The following SNX24 variants were observed in gnomAD, a reference collection of about 807,000 sequenced individuals.
The protein encoded by SNX24 is sorting nexin-24.
A neutral mutation model predicts 28.7 loss-of-function variants in SNX24; 22 were observed. The ratio of observed to expected loss-of-function variants is 0.77; its 90% CI spans 0.55 to 1.10. The LOEUF is 1.10. Ranked by LOEUF, SNX24 falls within the 50% of genes least tolerant of loss-of-function variation. The pLI is 0.00. For missense variants in SNX24, 221 were observed against 201.1 expected, an observed-to-expected ratio of 1.10 and a Z score of -0.60; for synonymous variants, 69 against 71.5, an observed-to-expected ratio of 0.96 and a Z score of 0.18.
At position 123,028,658 on chromosome 5, in the gene SNX24, C is replaced by T. The variant is rs539163000; in HGVS notation, n.384-580C>T. 9 of 746,896 alleles carry T rather than the reference C, an allele frequency of 1.2e-5. No individual in the cohort carries two copies. The East Asian group carries it at 2.3e-4, about 19-fold the overall frequency. 46.3% of individuals were successfully genotyped at this position (746,896 alleles called of 1,614,324 possible). A position where few individuals can be genotyped will look rare whatever the true frequency, so the allele number is the denominator to read the frequency against. On this transcript the variant is annotated intron_variant and non_coding_transcript_variant, in intron 5 of 5. Coordinates refer to the SNX24 transcript ENST00000502387. ...AAACTCCATCCTTCTCAAAGAGGTA[C>T]AGTCGTCTTTACAACTGTGTTCCTT...
Position 122,903,231 on chromosome 5 carries a change from C to G in SNX24, c.61-33503C>G, listed in dbSNP as rs141749466. On this transcript the variant is annotated intron_variant, in intron 1 of 6. Transcript: ENST00000261369. ...CAGAGGATCCTCCCACCTCAGCCTCCCTAGTCACTGGGACTACAGGCATGT... is the reference window on the plus strand; with the variant it reads ...CAGAGGATCCTCCCACCTCAGCCTCGCTAGTCACTGGGACTACAGGCATGT... Among the ~76,000 whole-genome samples the G allele has an allele frequency of 9.2e-3, 1,394 of 152,248 alleles. 16 individuals carry two copies. The highest frequency in any genetic ancestry group is 0.032 in the African/African-American group (1,327 of 41,528).
intron 3 of SNX24, among the ~76,000 whole-genome samples, chr5:122,974,996 C>T (rs1256570212): frequency 6.6e-6 from 1 of 152,186 alleles, no homozygotes; most frequent in African/African-American, 2.4e-5. Flanking sequence ...CCATTAATTA[C>T]CTGACCTCCG....
intron 1 of SNX24, among the ~76,000 whole-genome samples, chr5:122,904,703 C>T (rs1279888763): frequency 6.6e-6 from 1 of 152,094 alleles, no homozygotes; most frequent in South Asian, 2.1e-4. Context: ...ATGTCTTATT[C>T]TATTCAGTAT....
In SNX24 at chr5:122,890,038, A is replaced by G. The variant is rs549672160; in HGVS notation, c.60+44345A>G. Among the ~76,000 whole-genome samples, 21 of 151,236 alleles carry G rather than the reference A, an allele frequency of 1.4e-4. No homozygotes were observed. In the East Asian group the frequency reaches 4.1e-3, roughly 30 times the overall value. On this transcript the variant is annotated intron_variant, in intron 1 of 6. Transcript: ENST00000261369. ...CTTCTTTGTCCTCTATGGCATTGTC[A>G]TTTTTGTAAAGAGACAGGCCAGTTG...
At position 122,852,110 on chromosome 5, in the gene SNX24, C is replaced by CTATCTATATCTA. The variant is rs375519224; in HGVS notation, c.60+6427_60+6438dup. ...TATAAATATATACACACACACATAT[C>CTATCTATATCTA]TATCTATATCTATATCTATATATAT... On this transcript the variant is annotated intron_variant, in intron 1 of 6. Transcript: ENST00000261369. Among the ~76,000 whole-genome samples, 780 of 150,030 alleles carry CTATCTATATCTA rather than the reference C, an allele frequency of 5.2e-3. 8 individuals are homozygous for CTATCTATATCTA. The highest frequency in any genetic ancestry group is 0.018 in the African/African-American group (717 of 40,832).
Position 123,009,041 on chromosome 5 carries a change from A to C in SNX24, c.*1292A>C, listed in dbSNP as rs1348969394. ...ATATTCAGGTTTTAAGCCTGCTGCAAACTTTTAAAATATTATGATAGATTC... is the reference window on the plus strand; with the variant it reads ...ATATTCAGGTTTTAAGCCTGCTGCACACTTTTAAAATATTATGATAGATTC... On this transcript the variant is annotated 3_prime_UTR_variant, in exon 7 of 7. Transcript: ENST00000261369. The C allele has an allele frequency of 1.0e-6, 1 of 985,430 alleles. No homozygotes were observed. Among genetic ancestry groups the C allele is most frequent in the Non-Finnish European group, 1.2e-6 (1 of 829,526 alleles). 61.0% of individuals were successfully genotyped at this position (985,430 alleles called of 1,614,324 possible).
intron 3 of SNX24, 118 bp from the exon 4 acceptor site, chr5:122,999,794 T>G: frequency 1.4e-6 from 1 of 719,344 alleles, no homozygotes; most frequent in Non-Finnish European, 2.5e-6. Flanking sequence ...ATCTTGACTG[T>G]GAGGAATGTT....
Position 122,936,811 on chromosome 5 carries a change from C to G in SNX24, c.138C>G (p.His46Gln), listed in dbSNP as rs777350529. ...EKRYSEFHAL[H>Q]KKLKKCIKTP... ...GATACAGCGAATTTCATGCTTTGCA[C>G]AAAAAGGTAACTTGTTTTCTGTTTT... is the stretch of plus-strand genomic sequence containing the variant. Residue 46 changes from histidine to glutamine, a missense_variant, in exon 2 of 7, where the codon CAC (histidine) becomes CAG (glutamine). Physicochemically the swap from His to Gln is conservative, Grantham distance 24. Transcript: ENST00000261369. 1.4e-5 allele frequency: 22 copies of G among 1,600,754 alleles called. No homozygotes were observed. In the South Asian group the frequency reaches 2.5e-4, roughly 18 times the overall value.
intron 1 of SNX24, among the ~76,000 whole-genome samples, chr5:122,933,361 A>G (rs907371153): frequency 2.6e-5 from 4 of 152,166 alleles, no homozygotes; most frequent in African/African-American, 9.7e-5. Flanking sequence ...TTTCACCTGA[A>G]TACTTGAGGG....
intron 1 of SNX24, among the ~76,000 whole-genome samples, chr5:122,921,527 C>T (rs989562838): frequency 2.0e-5 from 3 of 152,054 alleles, no homozygotes; most frequent in African/African-American, 7.2e-5. Context: ...TGTACTGTCT[C>T]TGTAAAGAAA....
Position 122,884,256 on chromosome 5 carries a change from T to TC in SNX24, c.60+38563_60+38564insC, listed in dbSNP as rs529209006. Among the ~76,000 whole-genome samples the TC allele has an allele frequency of 3.7e-3, 535 of 143,058 alleles. 1 individual carries two copies. The highest frequency in any genetic ancestry group is 0.011 in the African/African-American group (416 of 38,362). 93.9% of individuals were successfully genotyped at this position (143,058 alleles called of 152,430 possible). A position where few individuals can be genotyped will look rare whatever the true frequency, so the allele number is the denominator to read the frequency against. On this transcript the variant is annotated intron_variant, in intron 1 of 6. Coordinates refer to ENST00000261369, the MANE Select transcript of SNX24 (RefSeq NM_014035.4). ...ACCCTCAATTGTTTCTTTTTCTTTT[T>TC]TTTTTTTTTTTTTTTCAGACAGAGT... is the stretch of plus-strand genomic sequence containing the variant.
intron 3 of SNX24, among the ~76,000 whole-genome samples, chr5:122,956,381 CA>C (rs1760216723): frequency 7.1e-6 from 1 of 140,192 alleles, no homozygotes; most frequent in African/African-American, 2.9e-5. Flanking sequence ...CACACACACA[CA>C]CACACACACA....
chr5:122,938,485 C>T (rs1370647787), intron 2 of SNX24, among the ~76,000 whole-genome samples: 2 of 152,140 alleles, frequency 1.3e-5, no homozygotes, highest in African/African-American at 4.8e-5. Context: ...ATATTTGAGA[C>T]AACTTTACAG....
chr5:123,019,390 A>G (rs1762731774), intron 5 of SNX24, among the ~76,000 whole-genome samples: 1 of 152,178 alleles, frequency 6.6e-6, no homozygotes, highest in Admixed American at 6.5e-5. Context: ...TTGAAAAACA[A>G]AAACAAATCA....
chr5:122,965,290 T>G (rs1220375213), intron 3 of SNX24, among the ~76,000 whole-genome samples: 1 of 152,232 alleles, frequency 6.6e-6, no homozygotes, highest in East Asian at 1.9e-4. Context: ...CTCAGCAGAT[T>G]AGGCCCTCAG....
intron 1 of SNX24, among the ~76,000 whole-genome samples, chr5:122,871,643 G>A (rs1398098673): frequency 1.3e-5 from 2 of 152,050 alleles, no homozygotes; most frequent in East Asian, 1.9e-4. Flanking sequence ...GGTGACATGC[G>A]CCTGTAATCC....
chr5:122,974,745 A>G (rs1761099081), intron 3 of SNX24, among the ~76,000 whole-genome samples: 1 of 152,194 alleles, frequency 6.6e-6, no homozygotes, highest in Non-Finnish European at 1.5e-5. Context: ...CAAGTCCTTG[A>G]TGGTGGCACT....
At chr5:122,848,584 G>A (rs970842223) in intron 1 of SNX24, among the ~76,000 whole-genome samples, 2 of 151,628 alleles carry the variant, frequency 1.3e-5, no homozygotes, top group South Asian at 2.1e-4. Context: ...TGGCGGGCGC[G>A]GGTAATCCCA....
chr5:122,895,191 AAT>A (rs1322621168), intron 1 of SNX24, among the ~76,000 whole-genome samples: 1 of 151,972 alleles, frequency 6.6e-6, no homozygotes, highest in African/African-American at 2.4e-5. Flanking sequence ...TAAAAAAATT[AAT>A]ATATATTTGT....
Sources: allele counts gnomAD v4.1 joint callset (sites outside exome capture counted in the v4.1 genomes callset), GRCh38; gene constraint gnomAD v4.1.1; transcripts MANE v1.5; gene names NCBI Gene and HGNC (gene_info 2026-07-23, HGNC 2026-07-21).